The following KCNIP4 variants were observed in gnomAD, a reference collection of about 807,000 sequenced individuals.
KCNIP4 encodes potassium voltage-gated channel interacting protein 4.
A neutral mutation model predicts 34.0 loss-of-function variants in KCNIP4; 12 were observed. That is an observed-to-expected ratio of 0.35 (90% confidence interval 0.23 to 0.57). KCNIP4 has a LOEUF of 0.57. KCNIP4 is among the 20% of genes least tolerant of loss of function. The probability of loss-of-function intolerance (pLI) is 0.83; values close to 1 mark genes in which losing one functional copy is unlikely to be tolerated. For synonymous variants in KCNIP4, 124 were observed against 102.2 expected, an observed-to-expected ratio of 1.21 and a Z score of -1.29; for missense variants, 238 against 311.7, an observed-to-expected ratio of 0.76 and a Z score of 1.78.
intron 3 of KCNIP4, among the ~76,000 whole-genome samples, chr4:20,780,979 C>T (rs1466213652): frequency 6.6e-6 from 1 of 152,122 alleles, no homozygotes; most frequent in Non-Finnish European, 1.5e-5. Context: ...AATGTAGCCT[C>T]GTAGTTTCTC....
chr4:21,001,497 A>G (rs1738135801), intron 1 of KCNIP4, among the ~76,000 whole-genome samples: 1 of 152,166 alleles, frequency 6.6e-6, no homozygotes, highest in Admixed American at 6.6e-5. Context: ...TGCCCTGCCT[A>G]ATAGAGGAAG....
At chr4:21,350,059 A>G (rs1172232756) in intron 1 of KCNIP4, among the ~76,000 whole-genome samples, 1 of 152,168 alleles carries the variant, frequency 6.6e-6, no homozygotes, top group Non-Finnish European at 1.5e-5. Flanking sequence ...ATGAAAGTAT[A>G]TTATAATTAG....
At chr4:21,287,252 A>G (rs1763175156) in intron 1 of KCNIP4, among the ~76,000 whole-genome samples, 1 of 152,208 alleles carries the variant, frequency 6.6e-6, no homozygotes, top group African/African-American at 2.4e-5. Context: ...GCTCACATTA[A>G]TTTGGGAAAT....
intron 1 of KCNIP4, among the ~76,000 whole-genome samples, chr4:21,291,852 T>C (rs1372888812): frequency 1.5e-4 from 5 of 32,818 alleles, no homozygotes; most frequent in African/African-American, 9.7e-4. Flanking sequence ...AGACTCCGCC[T>C]CAAAAAAAAA....
rs1040179076 is a variant in KCNIP4, at chr4:21,300,664, T to A, written c.62-417955A>T. Among the ~76,000 whole-genome samples, 13 of 152,232 alleles carry A rather than the reference T, an allele frequency of 8.5e-5. No individual in the cohort carries two copies. In the Middle Eastern group the frequency reaches 0.01, roughly 119 times the overall value. On this transcript the variant is annotated intron_variant, in intron 1 of 8. Transcript: ENST00000382152. ...CAAATTCTAGAGCTACAGGAAAGGATGTTTCTCTATTCTCTTGAAATACAA... is the reference window on the plus strand; with the variant it reads ...CAAATTCTAGAGCTACAGGAAAGGAAGTTTCTCTATTCTCTTGAAATACAA...
chr4:20,775,008 T>C (rs938957058), intron 3 of KCNIP4, among the ~76,000 whole-genome samples: 1 of 152,208 alleles, frequency 6.6e-6, no homozygotes, highest in African/African-American at 2.4e-5. Context: ...TCCCTCTCTT[T>C]TCTGTTTACT....
intron 1 of KCNIP4, among the ~76,000 whole-genome samples, chr4:21,447,233 G>C (rs1480503230): frequency 1.3e-5 from 2 of 152,134 alleles, no homozygotes; most frequent in Non-Finnish European, 2.9e-5. Context: ...AGGTGGAGCA[G>C]AAAGAGACTT....
At chr4:21,873,836 G>A (rs1725945761) in intron 1 of KCNIP4, among the ~76,000 whole-genome samples, 1 of 152,192 alleles carries the variant, frequency 6.6e-6, no homozygotes, top group African/African-American at 2.4e-5. Flanking sequence ...GATTCAGCAG[G>A]CTTCTAAACA....
intron 3 of KCNIP4, among the ~76,000 whole-genome samples, chr4:20,783,780 A>G (rs1256512553): frequency 6.6e-6 from 1 of 152,192 alleles, no homozygotes; most frequent in Non-Finnish European, 1.5e-5. Flanking sequence ...GAATATAAAA[A>G]CTATTCTGCT....
At chr4:21,259,885 CTGTGTGTGTG>C (rs4054880) in intron 1 of KCNIP4, among the ~76,000 whole-genome samples, 34 of 146,008 alleles carry the variant, frequency 2.3e-4, no homozygotes, top group African/African-American at 4.5e-4. Context: ...GCGCCCAAGA[CTGTGTGTGTG>C]TGTGTGTGTG....
At chr4:21,201,193 C>T (rs1396097999) in intron 1 of KCNIP4, among the ~76,000 whole-genome samples, 1 of 152,172 alleles carries the variant, frequency 6.6e-6, no homozygotes, top group Non-Finnish European at 1.5e-5. Flanking sequence ...ATGAAGCTTT[C>T]TGTTTTAGCA....
chr4:21,018,177 T>C (rs903809139), intron 1 of KCNIP4, among the ~76,000 whole-genome samples: 1 of 152,176 alleles, frequency 6.6e-6, no homozygotes. Context: ...TCACACTCTC[T>C]AAAAGCAACT....
At chr4:21,227,243 GT>G (rs1758471088) in intron 1 of KCNIP4, among the ~76,000 whole-genome samples, 1 of 152,160 alleles carries the variant, frequency 6.6e-6, no homozygotes, top group South Asian at 2.1e-4. Context: ...TGAGAGCAGA[GT>G]TTTGTTGGGT....
At chr4:21,304,069 CAGAGAGAGAGAGAGAGACAG>C (rs1712107498) in intron 1 of KCNIP4, 1,605 of 136,492 alleles carry the variant, frequency 0.012, 10 homozygotes, top group Middle Eastern at 0.02. Context: ...GAGAGAGAGA[CAGAGAGAGAGAGAGAGACAG>C]AGAGAGAGAG....
chr4:21,826,260 G>C (rs963360677), intron 1 of KCNIP4, among the ~76,000 whole-genome samples: 1 of 152,006 alleles, frequency 6.6e-6, no homozygotes, highest in Non-Finnish European at 1.5e-5. Flanking sequence ...CTGCCTACTC[G>C]ACTTCGGTAA....
intron 1 of KCNIP4, among the ~76,000 whole-genome samples, chr4:21,566,784 T>C (rs750840873): frequency 1.3e-5 from 2 of 152,248 alleles, no homozygotes; most frequent in East Asian, 3.9e-4. Flanking sequence ...TTACTCCTGA[T>C]GAGAGGTCAA....
chr4:21,254,792 C>G (rs533097949), intron 1 of KCNIP4, among the ~76,000 whole-genome samples: 2 of 152,236 alleles, frequency 1.3e-5, no homozygotes, highest in African/African-American at 4.8e-5. Flanking sequence ...AACCTGTAAC[C>G]AAACTTTGGT....
intron 1 of KCNIP4, among the ~76,000 whole-genome samples, chr4:21,406,493 T>C (rs1724004496): frequency 6.6e-6 from 1 of 152,190 alleles, no homozygotes; most frequent in South Asian, 2.1e-4. Flanking sequence ...CAATTAGTAA[T>C]ATACATAATG....
At chr4:20,805,060 G>A (rs756466789) in intron 3 of KCNIP4, among the ~76,000 whole-genome samples, 3 of 152,060 alleles carry the variant, frequency 2.0e-5, no homozygotes, top group Admixed American at 1.3e-4. Flanking sequence ...TTGCTGACAA[G>A]TAGGTAGTGG....
Sources: allele counts gnomAD v4.1 joint callset (sites outside exome capture counted in the v4.1 genomes callset), GRCh38; gene constraint gnomAD v4.1.1; transcripts MANE v1.5; gene names NCBI Gene and HGNC (gene_info 2026-07-23, HGNC 2026-07-21).